Variants in SLC44A5 observed in about 807,000 individuals in gnomAD.
SLC44A5 encodes choline transporter-like protein 5.
SLC44A5 carries 57 observed loss-of-function variants against 101.8 expected under a neutral mutation model. The observed-to-expected ratio is 0.56, with a 90% confidence interval of 0.45 to 0.70. The LOEUF is 0.70. Among genes scored for constraint, SLC44A5 ranks in the 30% least tolerant of loss-of-function variants. The pLI, the probability that SLC44A5 is intolerant of heterozygous loss-of-function variation, is 0.00. For synonymous variants in SLC44A5, 281 were observed against 290.9 expected (o/e 0.97, Z 0.35); for missense variants, 737 against 853.1 (o/e 0.86, Z 1.70).
chr1:75,524,528 C>T (rs1283759448), intron 2 of SLC44A5, among the ~76,000 whole-genome samples: 1 of 152,106 alleles, frequency 6.6e-6, no homozygotes, highest in Non-Finnish European at 1.5e-5. Flanking sequence ...GGTAACCATA[C>T]AATTTGTTTC....
Position 75,448,579 on chromosome 1 carries a change from T to A in SLC44A5, c.14-51958A>T, listed in dbSNP as rs115800133. ...CTACACACATCCTAAATCTAATCCA[T>A]CACTGAGGTAAATCTATTTGCCTCC... On this transcript the variant is annotated intron_variant, in intron 2 of 23. Coordinates refer to ENST00000370859, the MANE Select transcript of SLC44A5 (RefSeq NM_001130058.2). Among the ~76,000 whole-genome samples, 1,104 of 152,254 alleles carry A rather than the reference T, an allele frequency of 7.3e-3. 4 individuals carry two copies. Among genetic ancestry groups the A allele is most frequent in the Non-Finnish European group, 0.01 (687 of 68,012 alleles).
chr1:75,673,991 C>T, the SLC44A5 span, among the ~76,000 whole-genome samples: 1 of 152,118 alleles, frequency 6.6e-6, no homozygotes, highest in Non-Finnish European at 1.5e-5. Context: ...ATACCTAACT[C>T]TTTAATGCCC....
At chr1:75,266,573 T>C (rs1651011469) in intron 6 of SLC44A5, among the ~76,000 whole-genome samples, 1 of 152,200 alleles carries the variant, frequency 6.6e-6, no homozygotes, top group Non-Finnish European at 1.5e-5. Flanking sequence ...TGAATTTTAG[T>C]TTTCTAAATT....
At chr1:75,234,832 G>C (rs1169360831) in intron 11 of SLC44A5, among the ~76,000 whole-genome samples, 3 of 152,020 alleles carry the variant, frequency 2.0e-5, no homozygotes, top group Non-Finnish European at 4.4e-5. Flanking sequence ...TACTAGAGAA[G>C]CTTCTTTTCC....
chr1:75,481,165 GT>G (rs1269923288), intron 2 of SLC44A5, among the ~76,000 whole-genome samples: 14 of 152,070 alleles, frequency 9.2e-5, no homozygotes, highest in African/African-American at 3.4e-4. Context: ...AGGATTCCCT[GT>G]TTAATAAATG....
rs374357146 is a variant in SLC44A5, at chr1:75,303,296, C to T, written c.102-2611G>A. ...TGTCACCCAGGCTGGAGTGCAGTGG[C>T]GCAATCTCAGCTCACTGCAACCTCC... On this transcript the variant is annotated intron_variant, in intron 4 of 23. Transcript: ENST00000370859. 6.6e-4 allele frequency among the ~76,000 whole-genome samples: 100 copies of T among 152,176 alleles called. 2 individuals are homozygous for T. In the East Asian group the frequency reaches 0.016, roughly 24 times the overall value.
chr1:75,425,093 C>T lies in SLC44A5; in HGVS notation c.14-28472G>A, dbSNP rs1403815599. 2.0e-5 allele frequency among the ~76,000 whole-genome samples: 3 copies of T among 152,166 alleles called. No individual in the cohort carries two copies. The South Asian group carries it at 6.2e-4, about 31-fold the overall frequency. On this transcript the variant is annotated intron_variant, in intron 2 of 23. Coordinates refer to ENST00000370859, the MANE Select transcript of SLC44A5 (RefSeq NM_001130058.2). ...AATGTTATCTTCATTTATTGTAGCT[C>T]TTTAAGCACAAGTTGTTCAAAAGTT...
intron 5 of SLC44A5, among the ~76,000 whole-genome samples, chr1:75,299,125 G>A (rs981953728): frequency 1.2e-4 from 18 of 152,076 alleles, no homozygotes; most frequent in Middle Eastern, 3.2e-3. Context: ...TCTATATTTT[G>A]TGTAAGAAAA....
At chr1:75,399,771 GCTTT>G (rs1409755160) in intron 2 of SLC44A5, among the ~76,000 whole-genome samples, 1 of 152,108 alleles carries the variant, frequency 6.6e-6, no homozygotes, top group African/African-American at 2.4e-5. Context: ...AAAATATGTT[GCTTT>G]ATTTAGTTAA....
At chr1:75,720,460 C>A in the SLC44A5 span, 1 of 152,090 alleles carries the variant, frequency 6.6e-6, no homozygotes, top group African/African-American at 2.4e-5. Context: ...AAAGGTATTT[C>A]TTGAGAGATG....
At chr1:75,578,057 C>A (rs868392563) in intron 1 of SLC44A5, among the ~76,000 whole-genome samples, 1 of 152,074 alleles carries the variant, frequency 6.6e-6, no homozygotes, top group African/African-American at 2.4e-5. Context: ...GCTCCAAAGA[C>A]ATTCTCTAAA....
At chr1:75,538,670 G>A (rs1007590810) in intron 2 of SLC44A5, among the ~76,000 whole-genome samples, 5 of 152,332 alleles carry the variant, frequency 3.3e-5, no homozygotes, top group Middle Eastern at 3.4e-3. Flanking sequence ...AAAGTAGAAA[G>A]TGTGGGTAAA....
the SLC44A5 span, among the ~76,000 whole-genome samples, chr1:75,698,934 G>T: frequency 5.9e-5 from 9 of 152,162 alleles, no homozygotes; most frequent in South Asian, 1.7e-3. Context: ...GAAATGAAGC[G>T]AGAAGGGAAG....
At chr1:75,549,217 T>C (rs549517617) in intron 1 of SLC44A5, among the ~76,000 whole-genome samples, 3 of 152,288 alleles carry the variant, frequency 2.0e-5, no homozygotes, top group South Asian at 4.1e-4. Context: ...AGATTGGCAT[T>C]GTTCTCTGTT....
intron 4 of SLC44A5, among the ~76,000 whole-genome samples, chr1:75,330,628 C>A (rs905731746): frequency 7.2e-5 from 11 of 152,054 alleles, no homozygotes; most frequent in African/African-American, 1.9e-4. Flanking sequence ...CACACACCAC[C>A]ATGTTCTAGT....
At chr1:75,578,452 A>G (rs1673498414) in intron 1 of SLC44A5, among the ~76,000 whole-genome samples, 1 of 152,204 alleles carries the variant, frequency 6.6e-6, no homozygotes, top group Admixed American at 6.5e-5. Context: ...ATAGACATAA[A>G]ATAGAATACT....
At chr1:75,635,647 G>C in the SLC44A5 span, among the ~76,000 whole-genome samples, 1 of 131,332 alleles carries the variant, frequency 7.6e-6, no homozygotes, top group African/African-American at 2.8e-5. Flanking sequence ...CACACTCTGG[G>C]GACTGTTGTG....
intron 6 of SLC44A5, among the ~76,000 whole-genome samples, chr1:75,270,136 G>A (rs886196563): frequency 2.6e-5 from 4 of 151,974 alleles, no homozygotes; most frequent in African/African-American, 7.2e-5. Flanking sequence ...CCAGTCTCAG[G>A]TATGTCTTTA....
intron 1 of SLC44A5, among the ~76,000 whole-genome samples, chr1:75,605,377 AAAAT>A (rs780945914): frequency 2.0e-5 from 3 of 152,022 alleles, no homozygotes; most frequent in African/African-American, 4.8e-5. Flanking sequence ...AGAAAAAATA[AAAAT>A]AAATAAATAA....
Sources: gnomAD v4.1 joint callset for allele counts (sites outside exome capture counted in the v4.1 genomes callset) on GRCh38, gnomAD v4.1.1 for gene constraint, MANE v1.5 for transcripts, NCBI Gene and HGNC (gene_info 2026-07-23, HGNC 2026-07-21) for gene names.